GATB: variants seen among roughly 807,000 people sequenced by gnomAD.
GATB encodes glutamyl-tRNA amidotransferase subunit B, also known as glutamyl-tRNA(Gln) amidotransferase subunit B, mitochondrial.
GATB carries 39 observed loss-of-function variants against 62.3 expected under a neutral mutation model. The ratio of observed to expected loss-of-function variants is 0.63; its 90% CI spans 0.48 to 0.82. The LOEUF (loss-of-function observed/expected upper bound fraction) is 0.82. GATB is among the 40% of genes least tolerant of loss of function. GATB has a pLI of 0.00. For synonymous variants in GATB, 276 were observed against 258.9 expected, an observed-to-expected ratio of 1.07 and a Z score of -0.63; for missense variants, 670 against 684.0, an observed-to-expected ratio of 0.98 and a Z score of 0.23.
At chr4:151,703,955 T>G in intron 7 of GATB, 60 bp from the exon 8 acceptor site, 2 of 1,207,462 alleles carry the variant, frequency 1.7e-6, no homozygotes, top group Non-Finnish European at 2.4e-6. Context: ...AGCCTATATG[T>G]GGGGAAGGGC....
chr4:151,703,733 C>T, intron 8 of GATB, 118 bp downstream of exon 8: 1 of 773,442 alleles, frequency 1.3e-6, no homozygotes, highest in Non-Finnish European at 2.4e-6. Flanking sequence ...CATGTTACAA[C>T]AATGACAAAA....
chr4:151,708,807 C>A (rs941305895), intron 5 of GATB, among the ~76,000 whole-genome samples: 3 of 152,170 alleles, frequency 2.0e-5, no homozygotes, highest in Non-Finnish European at 4.4e-5. Flanking sequence ...GCTGGGAGGA[C>A]CTTCTTTGAC....
intron 8 of GATB, among the ~76,000 whole-genome samples, chr4:151,702,228 A>G (rs76458776): frequency 1.3e-5 from 2 of 152,112 alleles, no homozygotes; most frequent in African/African-American, 4.8e-5. Context: ...CTTTCCCCCC[A>G]TTTCAACATT....
chr4:151,706,328 G>A (rs1425195999), intron 6 of GATB, among the ~76,000 whole-genome samples: 1 of 152,126 alleles, frequency 6.6e-6, no homozygotes, highest in Non-Finnish European at 1.5e-5. Context: ...GAAGGTTAGG[G>A]GTCTCCTTCA....
intron 10 of GATB, among the ~76,000 whole-genome samples, chr4:151,681,287 C>T (rs995411332): frequency 1.3e-5 from 2 of 152,200 alleles, no homozygotes; most frequent in African/African-American, 2.4e-5. Flanking sequence ...GCCCATCATC[C>T]TGTAAGTGTC....
chr4:151,701,030 C>A lies in GATB; in HGVS notation c.1197+299G>T, dbSNP rs543167702. On this transcript the variant is annotated intron_variant, in intron 9 of 12. Transcript: ENST00000263985. ...ACACATGGGAAAAACTCATCCATAA[C>A]ATTTGGACAGTCTTCAAGAAGTCTC... 3.9e-5 allele frequency among the ~76,000 whole-genome samples: 6 copies of A among 152,286 alleles called. No individual in the cohort carries two copies. The South Asian group carries it at 1.0e-3, about 26-fold the overall frequency.
chr4:151,697,301 T>C (rs1427955331), intron 9 of GATB, among the ~76,000 whole-genome samples: 1 of 152,192 alleles, frequency 6.6e-6, no homozygotes, highest in African/African-American at 2.4e-5. Flanking sequence ...TATTCAGCTA[T>C]AAAAAAGAAT....
chr4:151,731,723 C>T (rs888375356), intron 2 of GATB, among the ~76,000 whole-genome samples: 5 of 149,924 alleles, frequency 3.3e-5, no homozygotes, highest in Admixed American at 6.6e-5. Flanking sequence ...GCCTCTGCCC[C>T]GCTGCCCCGT....
Position 151,707,990 on chromosome 4 carries a change from A to G in GATB, c.875T>C (p.Ile292Thr). The change falls in exon 6 of 13, where the codon ATA becomes ACA. Residue 292 changes from isoleucine (I) to threonine (T), a missense_variant and splice_region_variant. Coordinates refer to ENST00000263985, the MANE Select transcript of GATB (RefSeq NM_004564.3). ...LNSIRFLAKAIDYEIQRQINE... is the reference protein window; with the variant it reads ...LNSIRFLAKATDYEIQRQINE... ...TAGGAGCGGCAGCTGGCATTCACCT[A>G]TGGCTTTGGCCAGGAACCTGATGCT... 1 of 1,605,498 alleles carries G rather than the reference A, an allele frequency of 6.2e-7. No homozygotes were observed.
At chr4:151,677,623 C>G (rs1560839879) in intron 11 of GATB, 1 of 152,188 alleles carries the variant, frequency 6.6e-6, no homozygotes, top group Non-Finnish European at 1.5e-5. Flanking sequence ...GGAAACAACT[C>G]AAATGTCCAT....
chr4:151,708,000 C>T lies in GATB; in HGVS notation c.865G>A (p.Ala289Thr), dbSNP rs1417839895. 1 of 1,611,868 alleles carries T rather than the reference C, an allele frequency of 6.2e-7. No homozygotes were observed. Among genetic ancestry groups the T allele is most frequent in the Non-Finnish European group, 8.5e-7 (1 of 1,177,970 alleles). Residue 289 changes from alanine to threonine, a missense_variant, in exon 6 of 13, where the codon GCC becomes ACC. By Grantham distance (58) the Ala-to-Thr change is moderately conservative (BLOSUM62 0). Transcript: ENST00000263985. ...AGCTGGCATTCACCTATGGCTTTGG[C>T]CAGGAACCTGATGCTGTTGAGATTC... ...VKNLNSIRFL[A>T]KAIDYEIQRQ... is the part of the protein sequence containing the mutation.
chr4:151,701,413 C>CTCCCGAATCTGGTCAATA lies in GATB; in HGVS notation c.1095_1112dup (p.Arg370_Glu371insAspIleAspGlnIleArg). The CTCCCGAATCTGGTCAATA allele has an allele frequency of 6.2e-7, 1 of 1,606,092 alleles. No individual in the cohort carries two copies. The highest frequency in any genetic ancestry group is 2.3e-5 in the East Asian group (1 of 44,242). ...TCACACTGGGGAGCTCCGGGAGTGT[C>CTCCCGAATCTGGTCAATA]TCCCGAATCTGGTCAATATTGATCA... On this transcript the variant is annotated inframe_insertion, in exon 9 of 13. Transcript: ENST00000263985.
intron 5 of GATB, among the ~76,000 whole-genome samples, chr4:151,713,993 G>A (rs1483743368): frequency 6.6e-6 from 1 of 152,204 alleles, no homozygotes; most frequent in Non-Finnish European, 1.5e-5. Context: ...ATTTTAAAAT[G>A]CCTAGTGAAC....
At chr4:151,716,277 CTTTTTT>C in intron 4 of GATB, 146 bp from the exon 5 acceptor site, 14 of 413,156 alleles carry the variant, frequency 3.4e-5, no homozygotes, top group Admixed American at 9.9e-5. Context: ...TCCCTCCCAC[CTTTTTT>C]TTTTTTTTTT....
At chr4:151,741,467 A>G (rs1739483749) in intron 2 of GATB, among the ~76,000 whole-genome samples, 1 of 152,226 alleles carries the variant, frequency 6.6e-6, no homozygotes, top group Non-Finnish European at 1.5e-5. Context: ...TTTGAGGGAA[A>G]ACAAACCAAT....
intron 10 of GATB, among the ~76,000 whole-genome samples, chr4:151,685,387 A>G (rs996863529): frequency 1.3e-5 from 2 of 152,132 alleles, no homozygotes; most frequent in Non-Finnish European, 2.9e-5. Flanking sequence ...TCCCCCACAC[A>G]CTGCAGAGTG....
rs543332498 is a variant in GATB, at chr4:151,730,165, C to T, written c.328-10627G>A. Among the ~76,000 whole-genome samples the T allele has an allele frequency of 1.7e-4, 26 of 152,232 alleles. No individual in the cohort carries two copies. The highest frequency in any genetic ancestry group is 3.4e-3 in the Middle Eastern group (1 of 294). On this transcript the variant is annotated intron_variant, in intron 2 of 12. Transcript: ENST00000263985. This position sits in a 1 kb window ranked among gnomAD's most constrained non-coding sequence, Gnocchi z 4.1. ...GTGACTGCCAGCTTTCCCCTTCTTC[C>T]CTGACAACCCGCATGACTCAGCAGA...
intron 9 of GATB, among the ~76,000 whole-genome samples, chr4:151,695,591 C>A (rs1488771726): frequency 6.6e-6 from 1 of 152,114 alleles, no homozygotes; most frequent in African/African-American, 2.4e-5. Context: ...AGCTTCAGAT[C>A]TTCCCGTCTA....
chr4:151,719,343 C>A, intron 3 of GATB, 82 bp downstream of exon 3: 1 of 981,970 alleles, frequency 1.0e-6, no homozygotes, highest in East Asian at 2.5e-5. Context: ...GGCACAGCCC[C>A]TTTCCCTTGC....
Sources: allele counts gnomAD v4.1 joint callset (sites outside exome capture counted in the v4.1 genomes callset), GRCh38; gene constraint gnomAD v4.1.1; non-coding constraint Gnocchi (gnomAD v3.1); transcripts MANE v1.5; gene names NCBI Gene and HGNC (gene_info 2026-07-23, HGNC 2026-07-21).